Variants in GRIA1 observed in about 807,000 individuals in gnomAD.
GRIA1 encodes glutamate ionotropic receptor AMPA type subunit 1, also known as glutamate receptor 1.
In GRIA1, 31 loss-of-function variants were observed where a neutral mutation model predicts 99.2. The ratio of observed to expected loss-of-function variants is 0.31; its 90% CI spans 0.23 to 0.42. The LOEUF is 0.42. Ranked by LOEUF, GRIA1 falls within the 10% of genes least tolerant of loss-of-function variation. The pLI is 1.00. For missense variants in GRIA1, 782 were observed against 1,157.5 expected (o/e 0.68, Z 4.71); for synonymous variants, 438 against 432.4 (o/e 1.01, Z -0.16).
chr5:153,806,512 CCTTGA>C (rs1405151784), intron 15 of GRIA1, among the ~76,000 whole-genome samples: 1 of 152,182 alleles, frequency 6.6e-6, no homozygotes, highest in Non-Finnish European at 1.5e-5. Flanking sequence ...TGATCCACTG[CCTTGA>C]CTTCCCAAAG....
intron 8 of GRIA1, among the ~76,000 whole-genome samples, chr5:153,688,396 C>T (rs1358968548): frequency 6.6e-6 from 1 of 152,156 alleles, no homozygotes. Context: ...TTTTTGTTGT[C>T]CCATGGTCTT....
chr5:153,503,449 C>A (rs1048325641), intron 2 of GRIA1, among the ~76,000 whole-genome samples: 3 of 152,182 alleles, frequency 2.0e-5, no homozygotes, highest in African/African-American at 7.2e-5. Flanking sequence ...AAAAATCAAA[C>A]ATGCTAGGCA....
chr5:153,538,424 G>T (rs1758775974), intron 2 of GRIA1, among the ~76,000 whole-genome samples: 1 of 152,108 alleles, frequency 6.6e-6, no homozygotes, highest in South Asian at 2.1e-4. Flanking sequence ...GAGTAGAGAG[G>T]CTGTCAAAGG....
At chr5:153,556,130 G>A (rs972541757) in intron 2 of GRIA1, among the ~76,000 whole-genome samples, 1 of 152,204 alleles carries the variant, frequency 6.6e-6, no homozygotes, top group African/African-American at 2.4e-5. Context: ...GAAATGAGTA[G>A]TATGTGGCCT....
intron 2 of GRIA1, among the ~76,000 whole-genome samples, chr5:153,550,154 AT>A (rs148027162): frequency 4.6e-5 from 7 of 151,092 alleles, no homozygotes; most frequent in African/African-American, 9.7e-5. Context: ...CAGGTGTTTT[AT>A]TTTTTTTTCC....
chr5:153,668,728 G>T (rs1338204986), intron 5 of GRIA1, among the ~76,000 whole-genome samples: 1 of 152,188 alleles, frequency 6.6e-6, no homozygotes, highest in Non-Finnish European at 1.5e-5. Flanking sequence ...CACTTTGGAA[G>T]CATCTAAAGA....
At chr5:153,656,621 T>C (rs946814316) in intron 5 of GRIA1, among the ~76,000 whole-genome samples, 7 of 152,090 alleles carry the variant, frequency 4.6e-5, no homozygotes, top group African/African-American at 1.7e-4. Context: ...TCATGAAGTT[T>C]AATTCTTCTA....
intron 13 of GRIA1, among the ~76,000 whole-genome samples, chr5:153,785,076 C>T (rs975682422): frequency 4.6e-5 from 7 of 152,096 alleles, no homozygotes; most frequent in Non-Finnish European, 1.0e-4. Flanking sequence ...CTCCACAGGC[C>T]TATGTGTGAG....
chr5:153,500,181 G>A (rs1051530192), intron 2 of GRIA1, among the ~76,000 whole-genome samples: 27 of 152,198 alleles, frequency 1.8e-4, no homozygotes, highest in African/African-American at 6.5e-4. Flanking sequence ...TGAAGATCCT[G>A]CTGGGATGAG....
chr5:153,760,622 T>G (rs1379253705), intron 11 of GRIA1, among the ~76,000 whole-genome samples: 4 of 152,136 alleles, frequency 2.6e-5, no homozygotes, highest in South Asian at 2.1e-4. Flanking sequence ...ACAGATTCAA[T>G]GCAATCCCTA....
chr5:153,703,589 A>C (rs961307314), intron 10 of GRIA1, among the ~76,000 whole-genome samples: 3 of 152,056 alleles, frequency 2.0e-5, no homozygotes, highest in Non-Finnish European at 2.9e-5. Flanking sequence ...AAAATACAAA[A>C]ATTAGCTGGG....
chr5:153,777,981 C>T (rs1334243133), intron 13 of GRIA1, among the ~76,000 whole-genome samples: 2 of 152,182 alleles, frequency 1.3e-5, no homozygotes, highest in African/African-American at 4.8e-5. Flanking sequence ...CTCTGTGACC[C>T]AGGTCGGGCC....
At chr5:153,736,574 TG>T (rs1196615703) in intron 11 of GRIA1, among the ~76,000 whole-genome samples, 1 of 152,182 alleles carries the variant, frequency 6.6e-6, no homozygotes, top group Non-Finnish European at 1.5e-5. Context: ...GCTGGATGTT[TG>T]GGGGTAGCTG....
At chr5:153,643,097 T>A (rs1358073962) in intron 2 of GRIA1, among the ~76,000 whole-genome samples, 1 of 152,122 alleles carries the variant, frequency 6.6e-6, no homozygotes, top group Non-Finnish European at 1.5e-5. Flanking sequence ...TACAAGGGAA[T>A]CCAAGAACTC....
chr5:153,763,283 A>G (rs1404816766), intron 11 of GRIA1, among the ~76,000 whole-genome samples: 1 of 152,180 alleles, frequency 6.6e-6, no homozygotes, highest in Non-Finnish European at 1.5e-5. Context: ...CAGAGCAGCC[A>G]ACAGGCCCGC....
chr5:153,674,064 A>T (rs1581444637), intron 5 of GRIA1, among the ~76,000 whole-genome samples: 1 of 152,194 alleles, frequency 6.6e-6, no homozygotes, highest in African/African-American at 2.4e-5. Flanking sequence ...GGTAGACGAG[A>T]TTATTCCCTC....
chr5:153,794,564 A>T, intron 13 of GRIA1, 57 bp from the exon 14 acceptor site: 1 of 1,184,038 alleles, frequency 8.4e-7, no homozygotes, highest in Non-Finnish European at 1.3e-6. Flanking sequence ...GGGTCACGTG[A>T]CTTGCTGAGT....
chr5:153,535,509 G>C (rs1414893473), intron 2 of GRIA1, among the ~76,000 whole-genome samples: 1 of 152,220 alleles, frequency 6.6e-6, no homozygotes, highest in African/African-American at 2.4e-5. Flanking sequence ...ACATTCTCCA[G>C]TCAGCTGAAC....
chr5:153,678,356 G>A (rs1268075369), intron 7 of GRIA1, among the ~76,000 whole-genome samples: 1 of 152,214 alleles, frequency 6.6e-6, no homozygotes, highest in Non-Finnish European at 1.5e-5. Flanking sequence ...GTGCCTTTCT[G>A]TAGAGAAGAA....
Sources: gnomAD v4.1 joint callset for allele counts (sites outside exome capture counted in the v4.1 genomes callset) on GRCh38, gnomAD v4.1.1 for gene constraint, MANE v1.5 for transcripts, NCBI Gene and HGNC (gene_info 2026-07-23, HGNC 2026-07-21) for gene names.